The following DOCK5 variants were observed in gnomAD, a reference collection of about 807,000 sequenced individuals.
The protein encoded by DOCK5 is dedicator of cytokinesis 5.
Under a neutral mutation model 251.8 loss-of-function variants are expected in DOCK5, and 142 were observed. The observed-to-expected ratio is 0.56, with a 90% CI of 0.49 to 0.65. DOCK5 has a LOEUF of 0.65. DOCK5 is among the 30% of genes least tolerant of loss of function. The probability of loss-of-function intolerance (pLI) is 0.00; values close to 1 mark genes in which losing one functional copy is unlikely to be tolerated. For synonymous variants in DOCK5, 842 were observed against 835.5 expected, an observed-to-expected ratio of 1.01 and a Z score of -0.13; for missense variants, 2,111 against 2,312.3, an observed-to-expected ratio of 0.91 and a Z score of 1.79.
chr8:25,199,847 C>T (rs1186161934), intron 1 of DOCK5, among the ~76,000 whole-genome samples: 1 of 152,204 alleles, frequency 6.6e-6, no homozygotes, highest in African/African-American at 2.4e-5. Flanking sequence ...GGTGCTGGTG[C>T]TGGTGCTGAG....
intron 6 of DOCK5, among the ~76,000 whole-genome samples, chr8:25,296,112 G>A (rs934274142): frequency 3.9e-5 from 6 of 152,092 alleles, no homozygotes; most frequent in Non-Finnish European, 7.3e-5. Context: ...GAACCACGAC[G>A]CCTGGCAAAG....
At chr8:25,192,194 C>G (rs900114672) in intron 1 of DOCK5, among the ~76,000 whole-genome samples, 1 of 78,228 alleles carries the variant, frequency 1.3e-5, no homozygotes, top group African/African-American at 4.5e-5. Flanking sequence ...GGGTTGGTTC[C>G]AAGTCTTTGC....
chr8:25,267,235 G>C (rs1350675383), intron 2 of DOCK5, among the ~76,000 whole-genome samples: 1 of 152,108 alleles, frequency 6.6e-6, no homozygotes, highest in Non-Finnish European at 1.5e-5. Context: ...TAAATCGGGG[G>C]AAGTGTTTCC....
chr8:25,226,865 G>A (rs554763542), intron 1 of DOCK5, among the ~76,000 whole-genome samples: 2 of 152,290 alleles, frequency 1.3e-5, no homozygotes, highest in Non-Finnish European at 2.9e-5. Flanking sequence ...GATTACAGGC[G>A]TGAGCCACCG....
Position 25,300,616 on chromosome 8 carries a change from A to G in DOCK5, c.805A>G (p.Lys269Glu). ...TCGTTGGGGCAGTAACGGGATGCCCAAGGAAATAGAGAAGCTCAATAACCT... is the reference window on the plus strand; with the variant it reads ...TCGTTGGGGCAGTAACGGGATGCCCGAGGAAATAGAGAAGCTCAATAACCT... ...LIRWGSNGMP[K>E]EIEKLNNLQA... The change falls in exon 9 of 52, where the codon AAG becomes GAG. Residue 269 changes from lysine (K) to glutamate (E), a missense_variant. This residue lies in a region of DOCK5 where 59 missense variants were observed against 95.0 expected (regional missense o/e 0.62). Coordinates refer to ENST00000276440, the MANE Select transcript of DOCK5 (RefSeq NM_024940.8). The G allele has an allele frequency of 6.2e-7, 1 of 1,613,506 alleles. No homozygotes were observed. Among genetic ancestry groups the G allele is most frequent in the South Asian group, 1.1e-5 (1 of 90,912 alleles).
chr8:25,278,074 T>C (rs1045815884), intron 4 of DOCK5, among the ~76,000 whole-genome samples: 2 of 152,156 alleles, frequency 1.3e-5, no homozygotes, highest in Non-Finnish European at 2.9e-5. Flanking sequence ...GAAGAAAACA[T>C]GGGACTATTC....
intron 13 of DOCK5, among the ~76,000 whole-genome samples, chr8:25,316,361 A>C (rs756002121): frequency 1.3e-5 from 2 of 152,114 alleles, no homozygotes; most frequent in Admixed American, 6.5e-5. Flanking sequence ...TGTGCTTGTA[A>C]TTCCAGCTAC....
At chr8:25,267,840 C>T (rs1038651352) in intron 2 of DOCK5, among the ~76,000 whole-genome samples, 6 of 151,854 alleles carry the variant, frequency 4.0e-5, no homozygotes, top group Admixed American at 6.6e-5. Context: ...TGGAAAACAT[C>T]TATAGGGGTG....
intron 48 of DOCK5, among the ~76,000 whole-genome samples, chr8:25,407,020 A>G (rs775475704): frequency 3.3e-5 from 5 of 152,212 alleles, no homozygotes; most frequent in Non-Finnish European, 5.9e-5. Context: ...TTCTTCTACT[A>G]TAGAATATTT....
intron 10 of DOCK5, among the ~76,000 whole-genome samples, chr8:25,303,591 G>A (rs1475836522): frequency 4.6e-5 from 7 of 152,150 alleles, no homozygotes; most frequent in Non-Finnish European, 1.0e-4. Context: ...AGCGATCAAG[G>A]AAATGTTATA....
At chr8:25,223,059 C>G (rs1802433998) in intron 1 of DOCK5, among the ~76,000 whole-genome samples, 1 of 151,976 alleles carries the variant, frequency 6.6e-6, no homozygotes, top group African/African-American at 2.4e-5. Flanking sequence ...TACCTAGGAG[C>G]CAAGTTTTGG....
chr8:25,191,165 TG>T (rs112862195), intron 1 of DOCK5, among the ~76,000 whole-genome samples: 20 of 151,722 alleles, frequency 1.3e-4, no homozygotes, highest in Middle Eastern at 3.4e-3. Context: ...ACGTTCAGAA[TG>T]GGGGGGGTCC....
intron 9 of DOCK5, 55 bp from the exon 10 acceptor site, chr8:25,302,270 C>A: frequency 6.6e-7 from 1 of 1,523,648 alleles, no homozygotes; most frequent in Non-Finnish European, 8.8e-7. Flanking sequence ...AAAAGAGACA[C>A]AGGTGACACA....
chr8:25,275,970 A>G (rs1279420904), intron 4 of DOCK5, among the ~76,000 whole-genome samples: 2 of 152,108 alleles, frequency 1.3e-5, no homozygotes, highest in African/African-American at 2.4e-5. Flanking sequence ...CCTCCTTTCC[A>G]TTACTTCTCC....
intron 49 of DOCK5, among the ~76,000 whole-genome samples, chr8:25,408,578 T>C (rs764676576): frequency 2.6e-5 from 4 of 152,230 alleles, no homozygotes; most frequent in Non-Finnish European, 5.9e-5. Flanking sequence ...AGCCCAACTG[T>C]GATCAGAAGA....
intron 21 of DOCK5, 28 bp from the exon 22 acceptor site, chr8:25,336,211 C>T (rs1261815698): frequency 1.3e-6 from 2 of 1,598,174 alleles, no homozygotes; most frequent in South Asian, 2.2e-5. Flanking sequence ...TGCTCATTGG[C>T]TTAATTTTTC....
At chr8:25,268,400 A>C (rs1385747011) in intron 2 of DOCK5, among the ~76,000 whole-genome samples, 1 of 152,114 alleles carries the variant, frequency 6.6e-6, no homozygotes, top group African/African-American at 2.4e-5. Flanking sequence ...GGAACTCAGA[A>C]GAGTTACAGC....
At chr8:25,356,906 ATTATATATATAT>A (rs1191050631) in intron 27 of DOCK5, among the ~76,000 whole-genome samples, 16 of 102,126 alleles carry the variant, frequency 1.6e-4, no homozygotes, top group African/African-American at 5.1e-4. Flanking sequence ...CTATATGAAG[ATTATATATATAT>A]ATATATATAT....
Position 25,368,715 on chromosome 8 carries a change from A to G in DOCK5, c.3428A>G (p.Asn1143Ser), listed in dbSNP as rs1800821504. 2 of 1,612,776 alleles carry G rather than the reference A, an allele frequency of 1.2e-6. No homozygotes were observed. The highest frequency in any genetic ancestry group is 1.7e-6 in the Non-Finnish European group (2 of 1,179,560). ...QCEFNFSGNG[N>S]FHMFENELIT... is the part of the protein sequence containing the mutation. ...GAGTTCAATTTCAGTGGAAATGGCAATTTCCATATGGTAAGAAGTGGCAGA... is the reference window on the plus strand; with the variant it reads ...GAGTTCAATTTCAGTGGAAATGGCAGTTTCCATATGGTAAGAAGTGGCAGA... Residue 1143 changes from asparagine to serine, a missense_variant, in exon 33 of 52, where the codon AAT (asparagine) becomes AGT (serine). Coordinates refer to ENST00000276440, the MANE Select transcript of DOCK5 (RefSeq NM_024940.8).
Sources: gnomAD v4.1 joint callset for allele counts (sites outside exome capture counted in the v4.1 genomes callset) on GRCh38, gnomAD v4.1.1 for gene constraint, gnomAD v4.1.1 regional missense constraint, MANE v1.5 for transcripts, NCBI Gene and HGNC (gene_info 2026-07-23, HGNC 2026-07-21) for gene names.